FOXP1: variants seen among roughly 807,000 people sequenced by gnomAD.
FOXP1 encodes forkhead box P1.
FOXP1 carries 15 observed loss-of-function variants against 98.2 expected under a neutral mutation model. That is an observed-to-expected ratio of 0.15 (90% confidence interval 0.10 to 0.24). FOXP1 has a LOEUF of 0.24. Ranked by LOEUF, FOXP1 falls within the 10% of genes least tolerant of loss-of-function variation. The pLI is 1.00. For missense variants in FOXP1, 633 were observed against 848.5 expected, an observed-to-expected ratio of 0.75 and a Z score of 3.15; for synonymous variants, 371 against 314.5, an observed-to-expected ratio of 1.18 and a Z score of -1.90.
intron 4 of FOXP1, among the ~76,000 whole-genome samples, chr3:71,342,487 G>A (rs758351978): frequency 9.2e-5 from 14 of 152,114 alleles, no homozygotes; most frequent in Non-Finnish European, 1.9e-4. Context: ...CTGATCAGGA[G>A]TTCGAGACCA....
intron 18 of FOXP1, 71 bp from the exon 19 acceptor site, chr3:70,970,876 T>TTAAGCTTGCTGGTGCCCTTCCAAATGA: frequency 2.4e-6 from 3 of 1,232,516 alleles, no homozygotes; most frequent in Non-Finnish European, 3.6e-6. Flanking sequence ...AAGTTTTGTT[T>TTAAGCTTGCTGGTGCCCTTCCAAATGA]TAAGCTTGCT....
intron 11 of FOXP1, among the ~76,000 whole-genome samples, chr3:71,023,026 C>T (rs1319547628): frequency 2.6e-5 from 4 of 152,150 alleles, no homozygotes; most frequent in Admixed American, 6.5e-5. Context: ...AACCAAAAGG[C>T]ACTATGCATC....
At chr3:71,315,448 T>C (rs2075021388) in intron 4 of FOXP1, among the ~76,000 whole-genome samples, 1 of 152,140 alleles carries the variant, frequency 6.6e-6, no homozygotes, top group African/African-American at 2.4e-5. Flanking sequence ...TGGGATAAAC[T>C]GTGACAATCT....
intron 5 of FOXP1, among the ~76,000 whole-genome samples, chr3:71,256,673 C>T (rs1050035663): frequency 3.3e-5 from 5 of 152,114 alleles, no homozygotes; most frequent in Non-Finnish European, 5.9e-5. Flanking sequence ...TGAGCCACCG[C>T]GCCCGGCCTC....
chr3:70,989,815 G>A (rs543461034), intron 13 of FOXP1, among the ~76,000 whole-genome samples: 8 of 152,206 alleles, frequency 5.3e-5, no homozygotes, highest in South Asian at 2.1e-4. Flanking sequence ...GGGGGTAAAC[G>A]TTGTTGATGT....
chr3:71,534,466 G>A (rs1344145514), intron 2 of FOXP1, among the ~76,000 whole-genome samples: 2 of 152,140 alleles, frequency 1.3e-5, no homozygotes, highest in Non-Finnish European at 2.9e-5. Context: ...AAAAATCCAC[G>A]TATGAGTAGA....
chr3:71,165,018 TC>T (rs2061334472), intron 6 of FOXP1, among the ~76,000 whole-genome samples: 1 of 152,092 alleles, frequency 6.6e-6, no homozygotes, highest in African/African-American at 2.4e-5. Context: ...TTCCTAGCTA[TC>T]CCAAAATGTA....
Position 70,977,621 on chromosome 3 carries a change from A to G in FOXP1, c.1428+22T>C, listed in dbSNP as rs755470334. The G allele has an allele frequency of 1.9e-6, 3 of 1,572,448 alleles. No individual in the cohort carries two copies. The South Asian group carries it at 3.3e-5, about 17-fold the overall frequency. On this transcript the variant is annotated intron_variant, in intron 16 of 20. Coordinates refer to ENST00000649528, the MANE Select transcript of FOXP1 (RefSeq NM_001349338.3). The stretch of plus-strand genomic sequence containing the variant: ...CACATATACCTTCTGACAGAATTTC[A>G]TATACTGTGTTATTTACTTACCTGC...
At chr3:71,244,155 T>A (rs1464069919) in intron 5 of FOXP1, among the ~76,000 whole-genome samples, 1 of 152,192 alleles carries the variant, frequency 6.6e-6, no homozygotes, top group Non-Finnish European at 1.5e-5. Context: ...AAACCCCAGT[T>A]TGGTAATAAA....
At chr3:71,268,372 C>A (rs1442108375) in intron 5 of FOXP1, among the ~76,000 whole-genome samples, 1 of 151,980 alleles carries the variant, frequency 6.6e-6, no homozygotes, top group Admixed American at 6.6e-5. Context: ...TGAGAACTGA[C>A]AAATGTATTT....
chr3:71,539,460 C>A (rs1197343153), intron 2 of FOXP1, among the ~76,000 whole-genome samples: 1 of 151,208 alleles, frequency 6.6e-6, no homozygotes, highest in African/African-American at 2.4e-5. Flanking sequence ...ATTCTGGCTT[C>A]CTGGCATTTC....
chr3:71,538,304 C>G (rs1420529675), intron 2 of FOXP1, among the ~76,000 whole-genome samples: 1 of 152,200 alleles, frequency 6.6e-6, no homozygotes, highest in African/African-American at 2.4e-5. Context: ...AGATCCTATA[C>G]CCATTAGCAG....
intron 4 of FOXP1, among the ~76,000 whole-genome samples, chr3:71,304,486 A>T (rs1370455662): frequency 6.6e-6 from 1 of 152,250 alleles, no homozygotes; most frequent in Non-Finnish European, 1.5e-5. Flanking sequence ...AAAAGATAAA[A>T]GAAATGCAAA....
At chr3:71,483,453 T>G (rs1347539328) in intron 3 of FOXP1, among the ~76,000 whole-genome samples, 1 of 152,204 alleles carries the variant, frequency 6.6e-6, no homozygotes, top group Admixed American at 6.5e-5. Context: ...AGACTGGGGC[T>G]TGGCAAACTA....
intron 4 of FOXP1, among the ~76,000 whole-genome samples, chr3:71,324,069 T>C (rs1264220887): frequency 6.6e-6 from 1 of 151,858 alleles, no homozygotes; most frequent in Non-Finnish European, 1.5e-5. Flanking sequence ...CATTTAAATA[T>C]ACATTAAATA....
chr3:71,256,508 C>T (rs138967883), intron 5 of FOXP1, among the ~76,000 whole-genome samples: 4 of 152,254 alleles, frequency 2.6e-5, no homozygotes, highest in East Asian at 1.9e-4. Context: ...CGCAGCCTCC[C>T]GAGTAGCTGG....
chr3:71,500,281 T>A (rs149646781), intron 2 of FOXP1, among the ~76,000 whole-genome samples: 1 of 152,266 alleles, frequency 6.6e-6, no homozygotes, highest in Admixed American at 6.5e-5. Context: ...AGGCTCAACC[T>A]GAAACCTTTT....
intron 6 of FOXP1, among the ~76,000 whole-genome samples, chr3:71,178,479 C>T (rs1224317432): frequency 6.6e-6 from 1 of 152,156 alleles, no homozygotes; most frequent in Non-Finnish European, 1.5e-5. Flanking sequence ...GGTGCAGTGG[C>T]TCACTCATGC....
At chr3:70,984,423 C>CA (rs2039393749) in intron 14 of FOXP1, among the ~76,000 whole-genome samples, 1 of 152,116 alleles carries the variant, frequency 6.6e-6, no homozygotes, top group African/African-American at 2.4e-5. Flanking sequence ...CTGACTTTAC[C>CA]ATTCTGGGTC....
Sources: gnomAD v4.1 joint callset for allele counts (sites outside exome capture counted in the v4.1 genomes callset) on GRCh38, gnomAD v4.1.1 for gene constraint, MANE v1.5 for transcripts, NCBI Gene and HGNC (gene_info 2026-07-23, HGNC 2026-07-21) for gene names.